The following MTSS1 variants were observed in gnomAD, a reference collection of about 807,000 sequenced individuals.
MTSS1 encodes the protein protein MTSS 1.
MTSS1 carries 18 observed loss-of-function variants against 79.0 expected under a neutral mutation model. The observed-to-expected ratio is 0.23, with a 90% CI of 0.16 to 0.34. The LOEUF (loss-of-function observed/expected upper bound fraction) is 0.34, where lower values mean the gene tolerates loss of function less well. Ranked by LOEUF, MTSS1 falls within the 10% of genes least tolerant of loss-of-function variation. The pLI is 1.00. For synonymous variants in MTSS1, 341 were observed against 368.6 expected (o/e 0.93, Z 0.86); for missense variants, 815 against 986.2 (o/e 0.83, Z 2.33).
intron 1 of MTSS1, among the ~76,000 whole-genome samples, chr8:124,705,046 C>T (rs77651836): frequency 2.1e-3 from 318 of 152,274 alleles, no homozygotes; most frequent in African/African-American, 7.4e-3. Context: ...CAGGGACCGA[C>T]GTCTCCCTTC....
In MTSS1 at chr8:124,553,003, G is replaced by A. The variant is rs780128073; in HGVS notation, c.2257C>T (p.Arg753Cys). Residue 753 changes from arginine (R) to cysteine (C), a missense_variant, in exon 14 of 14, where the codon CGC (arginine) becomes TGC (cysteine). Arg to Cys is a radical substitution (Grantham distance 180). Coordinates refer to ENST00000518547, the MANE Select transcript of MTSS1 (RefSeq NM_014751.6). This position sits in a 1 kb window ranked among gnomAD's most constrained non-coding sequence, Gnocchi z 6.0. ...KTTTNDRSAP[R>C]FS ...CATTTCTTGTGAACCTAAGAAAAGC[G>A]AGGGGCTGAGCGATCGTTTGTCGTG... 11 of 1,611,570 alleles carry A rather than the reference G, an allele frequency of 6.8e-6. No individual in the cohort carries two copies. Among genetic ancestry groups the A allele is most frequent in the Admixed American group, 6.7e-5 (4 of 59,930 alleles).
chr8:124,719,819 C>A lies in MTSS1; in HGVS notation c.72+8065G>T, dbSNP rs187707870. ...CAAATAGATACGAGCATTTATTTAG[C>A]ACTTATTTCATGCTAAGCCCTCGAC... On this transcript the variant is annotated intron_variant, in intron 1 of 13. Transcript: ENST00000518547. Among the ~76,000 whole-genome samples the A allele has an allele frequency of 4.4e-4, 67 of 152,288 alleles. 1 individual carries two copies. The highest frequency in any genetic ancestry group is 7.5e-4 in the Non-Finnish European group (51 of 68,022).
Position 124,553,826 on chromosome 8 carries a change from T to G in MTSS1, c.1568-134A>C. The G allele has an allele frequency of 2.6e-6, 2 of 774,312 alleles. No individual in the cohort carries two copies. Among genetic ancestry groups the G allele is most frequent in the Non-Finnish European group, 2.0e-6 (1 of 497,272 alleles). The allele number at this position is 774,312 out of a possible 1,614,324, so 48.0% of individuals were successfully genotyped here. A position where few individuals can be genotyped will look rare whatever the true frequency, so the allele number is the denominator to read the frequency against. On this transcript the variant is annotated intron_variant, in intron 13 of 13. Coordinates refer to ENST00000518547, the MANE Select transcript of MTSS1 (RefSeq NM_014751.6). The surrounding 1 kb of genome is among the most constrained non-coding windows in gnomAD (Gnocchi z 6.0). ...ATCCCAAGCTTCCCCCAGGCTTCTCTACCATCTTCAGAAAGCCTCACCAAC... is the reference window on the plus strand; with the variant it reads ...ATCCCAAGCTTCCCCCAGGCTTCTCGACCATCTTCAGAAAGCCTCACCAAC...
At chr8:124,569,142 C>A (rs1827209080) in intron 6 of MTSS1, among the ~76,000 whole-genome samples, 1 of 152,160 alleles carries the variant, frequency 6.6e-6, no homozygotes, top group South Asian at 2.1e-4. Context: ...AATAACAAGA[C>A]CTCCAGACAG....
intron 13 of MTSS1, 98 bp downstream of exon 13, chr8:124,555,644 C>A: frequency 2.2e-6 from 3 of 1,338,300 alleles, no homozygotes; most frequent in Non-Finnish European, 3.0e-6. Flanking sequence ...TGTTAGTTAG[C>A]GAGTGGTGGG....
chr8:124,656,199 T>G (rs1820905116), intron 3 of MTSS1, among the ~76,000 whole-genome samples: 1 of 152,238 alleles, frequency 6.6e-6, no homozygotes, highest in African/African-American at 2.4e-5. Flanking sequence ...ATTACACAGC[T>G]TAAGTAGTGG....
intron 3 of MTSS1, chr8:124,698,272 T>C (rs1829165181): frequency 6.6e-6 from 1 of 152,138 alleles, no homozygotes; most frequent in South Asian, 2.1e-4. Context: ...TCGGAGAAAC[T>C]TTCATGTGCC....
intron 3 of MTSS1, among the ~76,000 whole-genome samples, chr8:124,623,722 C>A (rs932850154): frequency 6.6e-6 from 1 of 152,164 alleles, no homozygotes; most frequent in Admixed American, 6.5e-5. Flanking sequence ...TTACTGCAAC[C>A]TCTGCCTCCT....
chr8:124,579,442 G>C (rs1310713814), intron 6 of MTSS1, among the ~76,000 whole-genome samples: 2 of 152,176 alleles, frequency 1.3e-5, no homozygotes, highest in East Asian at 1.9e-4. Context: ...AGATAGTGGC[G>C]ATGGTTGCAT....
chr8:124,612,007 G>A (rs1332770399), intron 3 of MTSS1, among the ~76,000 whole-genome samples: 1 of 152,186 alleles, frequency 6.6e-6, no homozygotes, highest in African/African-American at 2.4e-5. Context: ...TTCTACCAAG[G>A]TTCCCAATCA....
intron 6 of MTSS1, chr8:124,568,762 A>T: frequency 1.4e-6 from 2 of 1,460,296 alleles, no homozygotes; most frequent in Non-Finnish European, 1.8e-6. Flanking sequence ...ATTCCTGACA[A>T]GGAAAATGTC....
intron 6 of MTSS1, among the ~76,000 whole-genome samples, chr8:124,583,612 A>T (rs1830404787): frequency 6.6e-6 from 1 of 152,186 alleles, no homozygotes; most frequent in South Asian, 2.1e-4. Context: ...GTGGTGGAAG[A>T]GCTGAGGGAA....
In MTSS1 at chr8:124,589,011, G is replaced by A. The variant is rs187558780; in HGVS notation, c.385+609C>T. On this transcript the variant is annotated intron_variant, in intron 5 of 13. Coordinates refer to ENST00000518547, the MANE Select transcript of MTSS1 (RefSeq NM_014751.6). ...ATTACAGGTGTGAGCCACTGCACCC[G>A]GCCTATGATTTCTTCTTTTTCTTTT... Among the ~76,000 whole-genome samples the A allele has an allele frequency of 2.9e-4, 44 of 150,188 alleles. No individual in the cohort carries two copies. In the South Asian group the frequency reaches 7.0e-3, roughly 24 times the overall value.
At chr8:124,717,439 C>CACTTGAACCTGGGAGGCAGAGGTTGCAGT (rs1564051077) in intron 1 of MTSS1, among the ~76,000 whole-genome samples, 8 of 124,262 alleles carry the variant, frequency 6.4e-5, no homozygotes, top group East Asian at 4.8e-4. Context: ...GAGGTGGCAG[C>CACTTGAACCTGGGAGGCAGAGGTTGCAGT]GAGCCAAGAT....
intron 10 of MTSS1, chr8:124,558,981 G>A (rs1268926301): frequency 8.7e-7 from 1 of 1,147,494 alleles, no homozygotes. Flanking sequence ...GAAGAGGGGA[G>A]GATGAGAGAA....
chr8:124,558,122 G>A (rs891016323), intron 10 of MTSS1: 2 of 417,146 alleles, frequency 4.8e-6, no homozygotes, highest in African/African-American at 2.0e-5. Flanking sequence ...TTAGAAGTTT[G>A]GAAATTGATC....
intron 3 of MTSS1, among the ~76,000 whole-genome samples, chr8:124,607,915 G>A (rs929550300): frequency 1.3e-5 from 2 of 151,986 alleles, no homozygotes; most frequent in African/African-American, 2.4e-5. Context: ...TAATTTGTTC[G>A]GTAAATAAGA....
intron 1 of MTSS1, among the ~76,000 whole-genome samples, chr8:124,724,323 T>C (rs892805559): frequency 4.6e-5 from 7 of 152,158 alleles, no homozygotes; most frequent in African/African-American, 1.7e-4. Context: ...AGGATAGTGA[T>C]GGCAAACACA....
chr8:124,703,091 G>A (rs1461542865), intron 2 of MTSS1, among the ~76,000 whole-genome samples: 1 of 151,862 alleles, frequency 6.6e-6, no homozygotes, highest in Non-Finnish European at 1.5e-5. Context: ...AGTAAATTTG[G>A]AGTTGCACAA....
Sources: allele counts gnomAD v4.1 joint callset (sites outside exome capture counted in the v4.1 genomes callset), GRCh38; gene constraint gnomAD v4.1.1; non-coding constraint Gnocchi (gnomAD v3.1); transcripts MANE v1.5; gene names NCBI Gene and HGNC (gene_info 2026-07-23, HGNC 2026-07-21).